The following TAFA1 variants were observed in gnomAD, a reference collection of about 807,000 sequenced individuals.
TAFA1 encodes TAFA chemokine like family member 1.
A neutral mutation model predicts 18.5 loss-of-function variants in TAFA1; 4 were observed. The observed-to-expected ratio is 0.22, with a 90% confidence interval of 0.11 to 0.49. TAFA1 has a LOEUF of 0.49. TAFA1 is among the 20% of genes least tolerant of loss of function. TAFA1 has a pLI of 0.98. For synonymous variants in TAFA1, 56 were observed against 55.2 expected, an observed-to-expected ratio of 1.01 and a Z score of -0.06; for missense variants, 147 against 169.0, an observed-to-expected ratio of 0.87 and a Z score of 0.72.
chr3:68,209,183 A>G (rs976526119), intron 2 of TAFA1, among the ~76,000 whole-genome samples: 3 of 152,016 alleles, frequency 2.0e-5, no homozygotes, highest in African/African-American at 7.2e-5. Flanking sequence ...CCACATGAGA[A>G]CACAGCCAGC....
rs546561248 is a variant in TAFA1 at position 68,417,493 on chromosome 3, C to G, written c.259+73C>G. 7 of 1,410,444 alleles carry G rather than the reference C, an allele frequency of 5.0e-6. No homozygotes were observed. The African/African-American group carries it at 1.0e-4, about 20-fold the overall frequency. The allele number at this position is 1,410,444 out of a possible 1,614,324, so 87.4% of individuals were successfully genotyped here. On this transcript the variant is annotated intron_variant, in intron 3 of 4. Transcript: ENST00000478136. ...TACATAATATAATTTCTTGTTTTAT[C>G]TAATATGGTTCCAGATAATGAACAA...
At chr3:68,372,324 C>T (rs1163203127) in intron 2 of TAFA1, among the ~76,000 whole-genome samples, 1 of 152,048 alleles carries the variant, frequency 6.6e-6, no homozygotes, top group Non-Finnish European at 1.5e-5. Flanking sequence ...CCCCTGATGG[C>T]AGTATGATGG....
intron 2 of TAFA1, among the ~76,000 whole-genome samples, chr3:68,396,552 T>C (rs1400123972): frequency 2.0e-5 from 3 of 152,224 alleles, no homozygotes; most frequent in African/African-American, 7.2e-5. Flanking sequence ...CAGTAGATGG[T>C]TCCTTCTCAT....
chr3:68,142,947 A>G (rs2106905408), intron 2 of TAFA1, among the ~76,000 whole-genome samples: 1 of 151,278 alleles, frequency 6.6e-6, no homozygotes, highest in Non-Finnish European at 1.5e-5. Context: ...ATCTTCATAT[A>G]TATAACATGT....
intron 2 of TAFA1, among the ~76,000 whole-genome samples, chr3:68,021,878 G>C (rs1443635084): frequency 6.6e-6 from 1 of 152,072 alleles, no homozygotes; most frequent in Non-Finnish European, 1.5e-5. Flanking sequence ...GTACATGACA[G>C]GCATTAGCTC....
At chr3:68,392,369 T>A (rs2070279196) in intron 2 of TAFA1, among the ~76,000 whole-genome samples, 1 of 151,976 alleles carries the variant, frequency 6.6e-6, no homozygotes, top group Non-Finnish European at 1.5e-5. Context: ...AGCAAGTCCT[T>A]AGAGACCTAC....
At chr3:68,175,679 A>G (rs2066115248) in intron 2 of TAFA1, among the ~76,000 whole-genome samples, 1 of 152,280 alleles carries the variant, frequency 6.6e-6, no homozygotes. Flanking sequence ...TTACAGGCTC[A>G]TAGGTGGAAG....
chr3:68,282,767 T>G (rs1252895888), intron 2 of TAFA1, among the ~76,000 whole-genome samples: 1 of 152,172 alleles, frequency 6.6e-6, no homozygotes, highest in African/African-American at 2.4e-5. Flanking sequence ...GCAGCAATTT[T>G]ATGTTTAAGT....
chr3:68,483,362 T>G (rs1001970215), intron 3 of TAFA1, among the ~76,000 whole-genome samples: 1 of 152,232 alleles, frequency 6.6e-6, no homozygotes, highest in African/African-American at 2.4e-5. Context: ...ATAGACAATA[T>G]GTACCCGGAT....
intron 2 of TAFA1, among the ~76,000 whole-genome samples, chr3:68,123,316 T>C (rs1227770136): frequency 6.6e-6 from 1 of 152,022 alleles, no homozygotes; most frequent in Non-Finnish European, 1.5e-5. Flanking sequence ...GTCCACTTGG[T>C]TTACATATTT....
At chr3:68,460,374 C>T (rs1395847940) in intron 3 of TAFA1, among the ~76,000 whole-genome samples, 1 of 152,102 alleles carries the variant, frequency 6.6e-6, no homozygotes, top group African/African-American at 2.4e-5. Flanking sequence ...CTTCAGCATC[C>T]ACTACCTAGG....
chr3:68,349,280 G>A (rs774834057), intron 2 of TAFA1, among the ~76,000 whole-genome samples: 12 of 151,472 alleles, frequency 7.9e-5, no homozygotes, highest in African/African-American at 2.9e-4. Context: ...TTTTTTCTTC[G>A]TTTTCACAAG....
At chr3:68,270,228 A>T (rs1035033870) in intron 2 of TAFA1, among the ~76,000 whole-genome samples, 1 of 152,122 alleles carries the variant, frequency 6.6e-6, no homozygotes, top group Non-Finnish European at 1.5e-5. Flanking sequence ...AATCCCTCTA[A>T]GCCCCTGTTT....
intron 2 of TAFA1, among the ~76,000 whole-genome samples, chr3:68,325,830 C>G (rs1451347731): frequency 1.3e-5 from 2 of 152,088 alleles, no homozygotes; most frequent in South Asian, 2.1e-4. Flanking sequence ...TTCTAAGCCC[C>G]CTTTTTAAGT....
intron 2 of TAFA1, among the ~76,000 whole-genome samples, chr3:68,262,795 C>G (rs1491729): frequency 0.19 from 28,189 of 152,054 alleles, 3,245 homozygotes; most frequent in Admixed American, 0.31. Context: ...TGTGTATATA[C>G]CCAGTAATGG....
intron 2 of TAFA1, among the ~76,000 whole-genome samples, chr3:68,161,348 G>A (rs1019929045): frequency 1.3e-5 from 2 of 152,076 alleles, no homozygotes; most frequent in Non-Finnish European, 2.9e-5. Flanking sequence ...TATTTTAAGA[G>A]GGTACAGTGG....
At chr3:68,187,234 G>A (rs971409585) in intron 2 of TAFA1, among the ~76,000 whole-genome samples, 1 of 151,794 alleles carries the variant, frequency 6.6e-6, no homozygotes, top group Admixed American at 6.6e-5. Flanking sequence ...TTATCTTTTT[G>A]TGTTTAGGGG....
chr3:68,392,356 T>C (rs1246624849), intron 2 of TAFA1, among the ~76,000 whole-genome samples: 1 of 152,036 alleles, frequency 6.6e-6, no homozygotes, highest in Non-Finnish European at 1.5e-5. Flanking sequence ...CCCAGATTCA[T>C]AAAGCAAGTC....
At chr3:68,128,844 G>T (rs2065503858) in intron 2 of TAFA1, among the ~76,000 whole-genome samples, 1 of 152,156 alleles carries the variant, frequency 6.6e-6, no homozygotes. Context: ...AGAGAGAAAA[G>T]GAAGCCTTTA....
Sources: gnomAD v4.1 joint callset for allele counts (sites outside exome capture counted in the v4.1 genomes callset) on GRCh38, gnomAD v4.1.1 for gene constraint, MANE v1.5 for transcripts, NCBI Gene and HGNC (gene_info 2026-07-23, HGNC 2026-07-21) for gene names.